The following LRRC8D variants were observed in gnomAD, a reference collection of about 807,000 sequenced individuals.
The protein encoded by LRRC8D is volume-regulated anion channel subunit LRRC8D.
In LRRC8D, 20 loss-of-function variants were observed where a neutral mutation model predicts 55.8. The observed-to-expected ratio is 0.36, with a 90% confidence interval of 0.25 to 0.52. LRRC8D has a LOEUF of 0.52. Among genes scored for constraint, LRRC8D ranks in the 20% least tolerant of loss-of-function variants. The pLI, the probability that LRRC8D is intolerant of heterozygous loss-of-function variation, is 0.93. For synonymous variants in LRRC8D, 352 were observed against 377.0 expected (o/e 0.93, Z 0.77); for missense variants, 651 against 1,030.8 (o/e 0.63, Z 5.05).
intron 2 of LRRC8D, among the ~76,000 whole-genome samples, chr1:89,852,853 C>A (rs749938717): frequency 5.3e-5 from 8 of 152,128 alleles, no homozygotes; most frequent in Middle Eastern, 3.2e-3. Flanking sequence ...TGGAGCCAAG[C>A]GATGGTGGTA....
rs114113087 is a variant in LRRC8D, at chr1:89,864,632, C to T, written c.-3+20850C>T. ...CCTCTGAACTCCAGTGCTCTCTATACATTGGAACCTTATGTCAGTGACCTC... is the reference window on the plus strand; with the variant it reads ...CCTCTGAACTCCAGTGCTCTCTATATATTGGAACCTTATGTCAGTGACCTC... On this transcript the variant is annotated intron_variant, in intron 2 of 2. Coordinates refer to ENST00000337338, the MANE Select transcript of LRRC8D (RefSeq NM_001134479.2). 4.4e-3 allele frequency among the ~76,000 whole-genome samples: 667 copies of T among 152,182 alleles called. 7 individuals carry two copies. Among genetic ancestry groups the T allele is most frequent in the African/African-American group, 0.015 (640 of 41,526 alleles).
chr1:89,835,751 A>G (rs1660991081), intron 1 of LRRC8D, among the ~76,000 whole-genome samples: 1 of 152,230 alleles, frequency 6.6e-6, no homozygotes, highest in East Asian at 1.9e-4. Flanking sequence ...GATGGTTTAT[A>G]TAAAATGCTT....
At chr1:89,896,086 C>T (rs545236083) in intron 2 of LRRC8D, among the ~76,000 whole-genome samples, 3 of 152,288 alleles carry the variant, frequency 2.0e-5, no homozygotes, top group Admixed American at 2.0e-4. Context: ...TTTAGGTTTC[C>T]AGACTAACAA....
chr1:89,892,927 TG>T (rs1253727806), intron 2 of LRRC8D, among the ~76,000 whole-genome samples: 1 of 152,234 alleles, frequency 6.6e-6, no homozygotes, highest in African/African-American at 2.4e-5. Context: ...TGAAATTACA[TG>T]TCCTCAGCTT....
At chr1:89,905,636 C>A (rs1273300604) in intron 2 of LRRC8D, among the ~76,000 whole-genome samples, 1 of 152,158 alleles carries the variant, frequency 6.6e-6, no homozygotes, top group African/African-American at 2.4e-5. Flanking sequence ...GGCTTTGGGT[C>A]TGCAGCCAAG....
chr1:89,911,834 T>G lies in LRRC8D; in HGVS notation c.-2-21233T>G, dbSNP rs1663140152. Among the ~76,000 whole-genome samples, 1 of 152,222 alleles carries G rather than the reference T, an allele frequency of 6.6e-6. No individual in the cohort carries two copies. The highest frequency in any genetic ancestry group is 1.5e-5 in the Non-Finnish European group (1 of 68,040). On this transcript the variant is annotated intron_variant, in intron 2 of 2. Coordinates refer to ENST00000337338, the MANE Select transcript of LRRC8D (RefSeq NM_001134479.2). This position sits in a 1 kb window ranked among gnomAD's most constrained non-coding sequence, Gnocchi z 4.0. ...GCAATGCTGCTTACCACTCTCTTCC[T>G]GAAGGGGTTGCCTCTTTTGGCTTCT...
At position 89,934,952 on chromosome 1, in the gene LRRC8D, G is replaced by C. The variant is rs771574787; in HGVS notation, c.1884G>C (p.Leu628=). 6.2e-7 allele frequency: 1 copy of C among 1,614,056 alleles called. No homozygotes were observed. Among genetic ancestry groups the C allele is most frequent in the Non-Finnish European group, 8.5e-7 (1 of 1,180,012 alleles). Residue 628 remains leucine (L), a synonymous_variant, in exon 3 of 3, where the codon CTG becomes CTC. Coordinates refer to ENST00000337338, the MANE Select transcript of LRRC8D (RefSeq NM_001134479.2). The surrounding 1 kb of genome is among the most constrained non-coding windows in gnomAD (Gnocchi z 5.9). ...ATGACGGCACTAAACTCTTGGTACT[G>C]AACAGCCTTAAGAAAATGATGAATG... ...IHNDGTKLLV[L]NSLKKMMNVA...
chr1:89,868,799 A>G (rs886761983), intron 2 of LRRC8D, among the ~76,000 whole-genome samples: 1 of 152,248 alleles, frequency 6.6e-6, no homozygotes. Flanking sequence ...TCAACCACTG[A>G]ACACAAAAAT....
intron 2 of LRRC8D, among the ~76,000 whole-genome samples, chr1:89,931,871 C>T (rs1161099310): frequency 6.6e-6 from 1 of 152,090 alleles, no homozygotes; most frequent in African/African-American, 2.4e-5. Flanking sequence ...ATTGCTTGGT[C>T]TTTTGCTAGT....
At chr1:89,839,973 C>T (rs547002228) in intron 1 of LRRC8D, among the ~76,000 whole-genome samples, 2 of 152,280 alleles carry the variant, frequency 1.3e-5, no homozygotes, top group South Asian at 4.1e-4. Context: ...ATCATCTCCT[C>T]CTCCACACCC....
intron 1 of LRRC8D, among the ~76,000 whole-genome samples, chr1:89,832,680 T>G (rs188788311): frequency 4.3e-4 from 65 of 152,254 alleles, no homozygotes; most frequent in Admixed American, 2.5e-3. Flanking sequence ...CTAGGGACTC[T>G]ACTCTACAGA....
chr1:89,901,331 G>T (rs753713664), intron 2 of LRRC8D, among the ~76,000 whole-genome samples: 3 of 152,194 alleles, frequency 2.0e-5, no homozygotes, highest in Non-Finnish European at 4.4e-5. Context: ...CCTCTAACTG[G>T]CAGCTTTGCC....
chr1:89,821,557 G>A (rs1410984182), intron 1 of LRRC8D, among the ~76,000 whole-genome samples: 1 of 152,156 alleles, frequency 6.6e-6, no homozygotes, highest in Non-Finnish European at 1.5e-5. Context: ...CCGGGCGGCC[G>A]GCCCTGCGGG....
At chr1:89,865,493 A>AT (rs1250189803) in intron 2 of LRRC8D, among the ~76,000 whole-genome samples, 1 of 151,954 alleles carries the variant, frequency 6.6e-6, no homozygotes, top group Non-Finnish European at 1.5e-5. Flanking sequence ...ACTTATGTTG[A>AT]TTTTTTAAAA....
At chr1:89,830,603 A>G (rs942682026) in intron 1 of LRRC8D, among the ~76,000 whole-genome samples, 5 of 152,166 alleles carry the variant, frequency 3.3e-5, no homozygotes, top group Non-Finnish European at 5.9e-5. Context: ...ACTCGCCCTC[A>G]GGGTGGGGTC....
chr1:89,859,006 C>T (rs1266507719), intron 2 of LRRC8D, among the ~76,000 whole-genome samples: 1 of 152,038 alleles, frequency 6.6e-6, no homozygotes, highest in Non-Finnish European at 1.5e-5. Flanking sequence ...TTAAAGTCTA[C>T]AATTGAACAC....
intron 2 of LRRC8D, among the ~76,000 whole-genome samples, chr1:89,848,135 G>A (rs1661326274): frequency 2.6e-5 from 4 of 152,130 alleles, no homozygotes. Flanking sequence ...CATGTTTCCG[G>A]GCTAATCGTT....
intron 2 of LRRC8D, among the ~76,000 whole-genome samples, chr1:89,863,255 A>G (rs1362792673): frequency 2.0e-5 from 3 of 152,234 alleles, no homozygotes; most frequent in Non-Finnish European, 4.4e-5. Flanking sequence ...AGTGACTGGC[A>G]CACAGCAAGT....
chr1:89,887,429 G>T (rs1307381344), intron 2 of LRRC8D, among the ~76,000 whole-genome samples: 1 of 152,124 alleles, frequency 6.6e-6, no homozygotes, highest in Non-Finnish European at 1.5e-5. Flanking sequence ...AACACAGAAT[G>T]ACACACATGA....
Sources: allele counts gnomAD v4.1 joint callset (sites outside exome capture counted in the v4.1 genomes callset), GRCh38; gene constraint gnomAD v4.1.1; non-coding constraint Gnocchi (gnomAD v3.1); transcripts MANE v1.5; gene names NCBI Gene and HGNC (gene_info 2026-07-23, HGNC 2026-07-21).